Variants in MSI2 observed in about 807,000 individuals in gnomAD.
The protein encoded by MSI2 is musashi RNA binding protein 2, also known as RNA-binding protein Musashi homolog 2.
A neutral mutation model predicts 45.6 loss-of-function variants in MSI2; 17 were observed. That is an observed-to-expected ratio of 0.37 (90% CI 0.26 to 0.56). The LOEUF is 0.56. Ranked by LOEUF, MSI2 falls within the 20% of genes least tolerant of loss-of-function variation. MSI2 has a pLI of 0.77. For synonymous variants in MSI2, 156 were observed against 158.2 expected (o/e 0.99, Z 0.11); for missense variants, 293 against 444.2 (o/e 0.66, Z 3.06).
chr17:57,696,312 G>A, the MSI2 span, among the ~76,000 whole-genome samples: 1 of 152,234 alleles, frequency 6.6e-6, no homozygotes, highest in African/African-American at 2.4e-5. Context: ...GTGGAGCTGA[G>A]AGGAACCCTC....
intron 5 of MSI2, among the ~76,000 whole-genome samples, chr17:57,399,877 C>T (rs1172128946): frequency 6.6e-6 from 1 of 152,212 alleles, no homozygotes; most frequent in East Asian, 1.9e-4. Flanking sequence ...TACAGCACAG[C>T]CTGCCAGTAA....
At chr17:57,403,969 A>C (rs565989168) in intron 6 of MSI2, among the ~76,000 whole-genome samples, 3 of 152,138 alleles carry the variant, frequency 2.0e-5, no homozygotes, top group African/African-American at 4.8e-5. Context: ...ACACACTTGC[A>C]TGAAGTATAT....
rs1216062943 is a variant in MSI2, at chr17:57,684,441, A to G, written c.*4924A>G. 1 of 123,930 alleles carries G rather than the reference A, an allele frequency of 8.1e-6. No individual in the cohort carries two copies. Among genetic ancestry groups the G allele is most frequent in the Non-Finnish European group, 1.5e-5 (1 of 67,400 alleles). 7.7% of individuals were successfully genotyped at this position (123,930 alleles called of 1,614,324 possible). On this transcript the variant is annotated 3_prime_UTR_variant, in exon 14 of 14. Coordinates refer to ENST00000284073, the MANE Select transcript of MSI2 (RefSeq NM_138962.4). ...ATTTTTTTTATATATATACATATAT[A>G]TGTACTATCTATATATATATCTCAA...
At chr17:57,341,719 A>AT (rs1010691858) in intron 5 of MSI2, among the ~76,000 whole-genome samples, 217 of 151,832 alleles carry the variant, frequency 1.4e-3, no homozygotes, top group African/African-American at 5.0e-3. Flanking sequence ...TTCTTGCTTT[A>AT]TTTTTTTTGG....
chr17:57,308,988 C>T (rs1363665158), intron 5 of MSI2, among the ~76,000 whole-genome samples: 2 of 152,110 alleles, frequency 1.3e-5, no homozygotes, highest in Non-Finnish European at 2.9e-5. Flanking sequence ...GCAGGCTTCC[C>T]AGGTTGAGGG....
chr17:57,445,556 G>T (rs1035553136), intron 6 of MSI2, among the ~76,000 whole-genome samples: 1 of 151,934 alleles, frequency 6.6e-6, no homozygotes, highest in African/African-American at 2.4e-5. Flanking sequence ...GGCGGTGGGG[G>T]GGGGTGCATT....
At chr17:57,676,408 T>C (rs1913239980) in intron 12 of MSI2, among the ~76,000 whole-genome samples, 1 of 152,252 alleles carries the variant, frequency 6.6e-6, no homozygotes, top group Non-Finnish European at 1.5e-5. Flanking sequence ...TCGGATCAAC[T>C]GTGGTACCAA....
intron 6 of MSI2, among the ~76,000 whole-genome samples, chr17:57,445,554 G>A (rs1002691248): frequency 2.6e-5 from 4 of 151,728 alleles, no homozygotes; most frequent in Non-Finnish European, 5.9e-5. Context: ...AGGGCGGTGG[G>A]GGGGGGTGCA....
intron 7 of MSI2, among the ~76,000 whole-genome samples, chr17:57,564,736 A>G (rs1241253610): frequency 6.6e-6 from 1 of 152,228 alleles, no homozygotes; most frequent in Non-Finnish European, 1.5e-5. Flanking sequence ...GGTTAATGCT[A>G]AATTGTATGG....
chr17:57,358,203 G>GT (rs57457441), intron 5 of MSI2, among the ~76,000 whole-genome samples: 8 of 126,468 alleles, frequency 6.3e-5, no homozygotes, highest in Admixed American at 1.6e-4. Flanking sequence ...GTGTGTGGGG[G>GT]GGTGTGTGTG....
In MSI2 at chr17:57,581,004, C is replaced by CTTTTTTTTTTTTTTTTTTTTTTT. The variant is rs3059122; in HGVS notation, c.455-15860_455-15838dup. ...CATGCCAGCCCCATGAGGTCAGCATCTTTTTTTTTTTTTTTTTTTTTTTTT... is the reference window on the plus strand; with the variant it reads ...CATGCCAGCCCCATGAGGTCAGCATCTTTTTTTTTTTTTTTTTTTTTTTTTTTTTTTTTTTTTTTTTTTTTTTT... On this transcript the variant is annotated intron_variant, in intron 7 of 13. Transcript: ENST00000284073. 1.2e-4 allele frequency among the ~76,000 whole-genome samples: 8 copies of CTTTTTTTTTTTTTTTTTTTTTTT among 66,502 alleles called. 2 individuals carry two copies. The highest frequency in any genetic ancestry group is 4.8e-4 in the Admixed American group (2 of 4,164). The allele number at this position is 66,502 out of a possible 152,430, so 43.6% of individuals were successfully genotyped here.
chr17:57,678,354 A>G (rs555836777), intron 13 of MSI2, among the ~76,000 whole-genome samples: 1 of 152,328 alleles, frequency 6.6e-6, no homozygotes, highest in Admixed American at 6.5e-5. Context: ...CCAGAGCCAG[A>G]GGCCACTAAC....
chr17:57,336,837 T>G (rs1285392425), intron 5 of MSI2, among the ~76,000 whole-genome samples: 1 of 152,206 alleles, frequency 6.6e-6, no homozygotes, highest in Non-Finnish European at 1.5e-5. Flanking sequence ...AGCAAACGTT[T>G]ATCATCTCAC....
At chr17:57,349,902 G>T (rs1451454764) in intron 5 of MSI2, among the ~76,000 whole-genome samples, 1 of 152,188 alleles carries the variant, frequency 6.6e-6, no homozygotes, top group Non-Finnish European at 1.5e-5. Context: ...GGGAAGCCAA[G>T]AAATAATTTT....
At chr17:57,293,861 G>A (rs919863565) in intron 5 of MSI2, among the ~76,000 whole-genome samples, 3 of 150,628 alleles carry the variant, frequency 2.0e-5, no homozygotes, top group African/African-American at 7.3e-5. Context: ...GCCCGCCTCA[G>A]CCTCCCAAAA....
intron 8 of MSI2, 114 bp from the exon 9 acceptor site, chr17:57,615,854 TAC>T: frequency 1.4e-6 from 1 of 739,688 alleles, no homozygotes; most frequent in Non-Finnish European, 2.3e-6. Context: ...TGGCTATTTT[TAC>T]AGTGGGTAAG....
chr17:57,398,683 A>C (rs965671198), intron 5 of MSI2, among the ~76,000 whole-genome samples: 1 of 152,236 alleles, frequency 6.6e-6, no homozygotes, highest in Admixed American at 6.5e-5. Context: ...GACACTTGGC[A>C]TACATTACTT....
intron 6 of MSI2, among the ~76,000 whole-genome samples, chr17:57,519,055 C>T (rs1487925992): frequency 6.6e-6 from 1 of 152,186 alleles, no homozygotes; most frequent in Non-Finnish European, 1.5e-5. Flanking sequence ...TTTGCAAGCT[C>T]AGCCAGAATG....
chr17:57,355,064 G>A lies in MSI2; in HGVS notation c.313-46315G>A, dbSNP rs148945929. Among the ~76,000 whole-genome samples, 4 of 152,224 alleles carry A rather than the reference G, an allele frequency of 2.6e-5. No homozygotes were observed. In the East Asian group the frequency reaches 7.7e-4, roughly 29 times the overall value. On this transcript the variant is annotated intron_variant, in intron 5 of 13. Coordinates refer to ENST00000284073, the MANE Select transcript of MSI2 (RefSeq NM_138962.4). ...CCCAACCAGAAAGGAGAATACCTTG[G>A]CCCACATAACTGTAAAGTCCAGGAG... is the stretch of plus-strand genomic sequence containing the variant.
Sources: allele counts gnomAD v4.1 joint callset (sites outside exome capture counted in the v4.1 genomes callset), GRCh38; gene constraint gnomAD v4.1.1; transcripts MANE v1.5; gene names NCBI Gene and HGNC (gene_info 2026-07-23, HGNC 2026-07-21).